CCDC61: variants seen among roughly 807,000 people sequenced by gnomAD.
The protein encoded by CCDC61 is centrosomal protein CCDC61.
A neutral mutation model predicts 63.0 loss-of-function variants in CCDC61; 55 were observed. The observed-to-expected ratio is 0.87, with a 90% confidence interval of 0.70 to 1.09. The LOEUF (loss-of-function observed/expected upper bound fraction) is 1.09. Among genes scored for constraint, CCDC61 ranks in the 50% least tolerant of loss-of-function variants. The probability of loss-of-function intolerance (pLI) is 0.00; values close to 1 mark genes in which losing one functional copy is unlikely to be tolerated. For synonymous variants in CCDC61, 270 were observed against 317.0 expected (o/e 0.85, Z 1.58); for missense variants, 651 against 731.4 (o/e 0.89, Z 1.27).
At chr19:46,006,524 G>T in intron 3 of CCDC61, 35 bp from the exon 4 acceptor site, 1 of 1,472,258 alleles carries the variant, frequency 6.8e-7, no homozygotes, top group Non-Finnish European at 9.1e-7. Context: ...GCAGTGGCGG[G>T]TGCTGTGGCA....
rs755617548 is a variant in CCDC61 at position 46,003,010 on chromosome 19, A to T, written c.-9A>T. On this transcript the variant is annotated splice_region_variant and 5_prime_UTR_variant, in exon 2 of 14. Coordinates refer to ENST00000595358, the MANE Select transcript of CCDC61 (RefSeq NM_001267723.2). ...TTCTCTCTCATCTCCTTCTCCAGCA[A>T]CCTTGGCCATGGACCAGCCGGCTGG... is the stretch of plus-strand genomic sequence containing the variant. 4.5e-6 allele frequency: 7 copies of T among 1,554,320 alleles called. No homozygotes were observed. The highest frequency in any genetic ancestry group is 3.9e-5 in the Admixed American group (2 of 51,062).
chr19:46,006,500 G>A, intron 3 of CCDC61, 59 bp from the exon 4 acceptor site: 1 of 1,454,540 alleles, frequency 6.9e-7, no homozygotes, highest in Non-Finnish European at 9.2e-7. Flanking sequence ...TGTGTGCTAG[G>A]TGCCCTCCGT....
chr19:46,003,093 T>C lies in CCDC61; in HGVS notation c.75T>C (p.Ser25=), dbSNP rs763548278. 10 of 1,612,104 alleles carry C rather than the reference T, an allele frequency of 6.2e-6. No individual in the cohort carries two copies. The South Asian group carries it at 1.0e-4, about 16-fold the overall frequency. The change falls in exon 2 of 14, where the codon TCT becomes TCC. Residue 25 remains serine (S), a synonymous_variant. Coordinates refer to ENST00000595358, the MANE Select transcript of CCDC61 (RefSeq NM_001267723.2). ...AGCATGCCGTGCGGGTGATGGTTTC[T>C]GGGCAGGTGCTGGAGCTGGAGGTGG... The part of the protein sequence containing the change: ...GVEHAVRVMV[S]GQVLELEVED...
rs371088854 is a variant in CCDC61 at position 46,006,679 on chromosome 19, C to T, written c.352C>T (p.Arg118Cys). 1.1e-5 allele frequency: 18 copies of T among 1,613,534 alleles called. No individual in the cohort carries two copies. Among genetic ancestry groups the T allele is most frequent in the African/African-American group, 1.1e-4 (8 of 75,056 alleles). Residue 118 changes from arginine to cysteine, a missense_variant, in exon 4 of 14, where the codon CGC (arginine) becomes TGC (cysteine). Arg to Cys is a radical substitution (Grantham distance 180). Transcript: ENST00000595358. ...APRSAQLNSK[R>C]YLILIYSVEF... ...CAGGTCGGCCCAGCTCAACTCCAAG[C>T]GCTACCTGATCCTCATCTACTCCGT...
chr19:46,008,260 T>G lies in CCDC61; in HGVS notation c.510T>G (p.Thr170=). 1 of 1,377,624 alleles carries G rather than the reference T, an allele frequency of 7.3e-7. No individual in the cohort carries two copies. 85.3% of individuals were successfully genotyped at this position (1,377,624 alleles called of 1,614,324 possible). Residue 170 remains threonine, a synonymous_variant, in exon 5 of 14, where the codon ACT becomes ACG. Coordinates refer to ENST00000595358, the MANE Select transcript of CCDC61 (RefSeq NM_001267723.2). The part of the protein sequence containing the change: ...GRLQGLDGQN[T]RDTRENEIWH... ...TGCAAGGGCTGGATGGCCAGAACACTCGGGACACCCGGGAGAATGAGATCT... is the reference window on the plus strand; with the variant it reads ...TGCAAGGGCTGGATGGCCAGAACACGCGGGACACCCGGGAGAATGAGATCT...
chr19:46,007,007 CTCTT>C (rs1968724381), intron 4 of CCDC61, among the ~76,000 whole-genome samples: 1 of 151,750 alleles, frequency 6.6e-6, no homozygotes, highest in African/African-American at 2.4e-5. Context: ...GGGACTCAAG[CTCTT>C]TCTTTTTTAT....
At chr19:45,997,657 C>T (rs1968518709) in intron 1 of CCDC61, among the ~76,000 whole-genome samples, 1 of 150,094 alleles carries the variant, frequency 6.7e-6, no homozygotes, top group African/African-American at 2.5e-5. Flanking sequence ...TCCCAAAGTG[C>T]TGAGATTACA....
At chr19:46,013,260 G>T (rs551517649) in intron 5 of CCDC61, among the ~76,000 whole-genome samples, 10 of 152,142 alleles carry the variant, frequency 6.6e-5, no homozygotes, top group African/African-American at 2.2e-4. Flanking sequence ...ATGACCTCAG[G>T]TGATCTGCCT....
In CCDC61 at chr19:46,016,184, G is replaced by T; in HGVS notation, c.976G>T (p.Gly326Cys). The T allele has an allele frequency of 7.6e-7, 1 of 1,323,004 alleles. No individual in the cohort carries two copies. The allele number at this position is 1,323,004 out of a possible 1,614,324, so 82.0% of individuals were successfully genotyped here. A position where few individuals can be genotyped will look rare whatever the true frequency, so the allele number is the denominator to read the frequency against. Reference protein sequence around the residue: ...SSRESGRGSRGRGRPARPSPS... With the variant: ...SSRESGRGSRCRGRPARPSPS... ...CCGGGAGAGCGGCCGCGGGAGCCGG[G>T]GTCGGGGCCGCCCTGCGCGCCCCTC... is the stretch of plus-strand genomic sequence containing the variant. The change falls in exon 8 of 14, where the codon GGT becomes TGT. Residue 326 changes from glycine to cysteine, a missense_variant. Transcript: ENST00000595358. The surrounding 1 kb of genome is among the most constrained non-coding windows in gnomAD (Gnocchi z 7.2).
chr19:46,004,584 C>T (rs1968662427), intron 3 of CCDC61, among the ~76,000 whole-genome samples: 1 of 152,160 alleles, frequency 6.6e-6, no homozygotes, highest in East Asian at 1.9e-4. Flanking sequence ...CCTGCCTCAG[C>T]CTCCCGAGTA....
Position 46,016,947 on chromosome 19 carries a change from G to GGGGCCAGCGA in CCDC61, c.1232-34_1232-25dup, listed in dbSNP as rs773319743. 7 of 1,570,808 alleles carry GGGGCCAGCGA rather than the reference G, an allele frequency of 4.5e-6. No individual in the cohort carries two copies. Among genetic ancestry groups the GGGGCCAGCGA allele is most frequent in the African/African-American group, 1.4e-5 (1 of 74,008 alleles). On this transcript the variant is annotated intron_variant, in intron 10 of 13. Coordinates refer to ENST00000595358, the MANE Select transcript of CCDC61 (RefSeq NM_001267723.2). This position sits in a 1 kb window ranked among gnomAD's most constrained non-coding sequence, Gnocchi z 7.2. ...TGGGAGGGCCTGGGAAGCACTGGGC[G>GGGGCCAGCGA]GGGCCAGCGAGGGCCAGCGGTCACG...
rs78954848 is a variant in CCDC61 at position 45,999,767 on chromosome 19, G to T, written c.-11-3241G>T. Among the ~76,000 whole-genome samples the T allele has an allele frequency of 1.2e-4, 18 of 152,224 alleles. No individual in the cohort carries two copies. In the East Asian group the frequency reaches 2.3e-3, roughly 20 times the overall value. On this transcript the variant is annotated intron_variant, in intron 1 of 13. Coordinates refer to ENST00000595358, the MANE Select transcript of CCDC61 (RefSeq NM_001267723.2). ...AATGATGAGAGGGAGAGAGCTGGGGGCTGAAACACTGGGTGTAAGTGTGCC... is the reference window on the plus strand; with the variant it reads ...AATGATGAGAGGGAGAGAGCTGGGGTCTGAAACACTGGGTGTAAGTGTGCC...
rs777349896 is a variant in CCDC61 at position 46,006,693 on chromosome 19, C to T, written c.366C>T (p.Leu122=). 2.2e-5 allele frequency: 35 copies of T among 1,611,876 alleles called. 1 individual carries two copies. In the East Asian group the frequency reaches 6.5e-4, roughly 30 times the overall value. ...TCAACTCCAAGCGCTACCTGATCCT[C>T]ATCTACTCCGTGGAGTTTGACAGGT... ...AQLNSKRYLI[L]IYSVEFDRIH... Residue 122 remains leucine (L), a synonymous_variant, in exon 4 of 14, where the codon CTC becomes CTT. Transcript: ENST00000595358.
intron 3 of CCDC61, among the ~76,000 whole-genome samples, chr19:46,006,003 A>G (rs1213148412): frequency 6.6e-6 from 1 of 152,172 alleles, no homozygotes; most frequent in Non-Finnish European, 1.5e-5. Context: ...TTACTGCTTC[A>G]TCAAGAACAT....
chr19:46,018,094 A>G lies in CCDC61; in HGVS notation c.1385A>G (p.Glu462Gly). ...SGSNMKSPPV[E>G]RSHHQKSLAN... is the part of the protein sequence containing the mutation. ...CATCACCAGAAGTCTCCCCCCGTGGAACGCAGCCACCATCAGAAATCTCTG... is the reference window on the plus strand; with the variant it reads ...CATCACCAGAAGTCTCCCCCCGTGGGACGCAGCCACCATCAGAAATCTCTG... Residue 462 changes from glutamate (E) to glycine (G), a missense_variant, in exon 13 of 14, where the codon GAA becomes GGA. Transcript: ENST00000595358. The surrounding 1 kb of genome is among the most constrained non-coding windows in gnomAD (Gnocchi z 4.2). 6.2e-7 allele frequency: 1 copy of G among 1,610,872 alleles called. No individual in the cohort carries two copies. Among genetic ancestry groups the G allele is most frequent in the South Asian group, 1.1e-5 (1 of 90,158 alleles).
chr19:46,003,820 CGTGTGTGTGTGT>C (rs55945123), intron 3 of CCDC61, among the ~76,000 whole-genome samples: 11 of 144,004 alleles, frequency 7.6e-5, no homozygotes, highest in East Asian at 2.0e-4. Flanking sequence ...TTTCCAAATA[CGTGTGTGTGTGT>C]GTGTGTGTGT....
chr19:46,013,500 GA>G (rs1968867243), intron 5 of CCDC61, among the ~76,000 whole-genome samples: 1 of 152,080 alleles, frequency 6.6e-6, no homozygotes, highest in Non-Finnish European at 1.5e-5. Context: ...AGTTTCTAGG[GA>G]TAATAACATA....
At chr19:46,007,597 A>T (rs1424344552) in intron 4 of CCDC61, among the ~76,000 whole-genome samples, 1 of 152,126 alleles carries the variant, frequency 6.6e-6, no homozygotes, top group East Asian at 1.9e-4. Flanking sequence ...TCTAGCCTTT[A>T]TAGGGGGAGG....
Position 46,018,381 on chromosome 19 carries a change from G to A in CCDC61, c.1533G>A (p.Arg511=). 1.9e-6 allele frequency: 3 copies of A among 1,565,198 alleles called. No homozygotes were observed. Among genetic ancestry groups the A allele is most frequent in the South Asian group, 1.2e-5 (1 of 84,940 alleles). ...AGTACATGAACCGACTGGACATGCG[G>A]TCATAACGTGGAGAAGGGGTACTAC... ...LQEYMNRLDM[R]S The change falls in exon 14 of 14, where the codon CGG becomes CGA. Residue 511 remains arginine, a synonymous_variant. Transcript: ENST00000595358. This position sits in a 1 kb window ranked among gnomAD's most constrained non-coding sequence, Gnocchi z 4.2.
Sources: gnomAD v4.1 joint callset for allele counts (sites outside exome capture counted in the v4.1 genomes callset) on GRCh38, gnomAD v4.1.1 for gene constraint, Gnocchi (gnomAD v3.1) non-coding constraint, MANE v1.5 for transcripts, NCBI Gene and HGNC (gene_info 2026-07-23, HGNC 2026-07-21) for gene names.